Variants in RNU4-2 observed in about 807,000 individuals in gnomAD.
RNU4-2 encodes the protein RNA, U4 small nuclear 2.
exon 1 of RNU4-2, chr12:120,291,846 G>GCAATAATCGC (rs1871981865): frequency 6.6e-6 from 1 of 152,122 alleles, no homozygotes; most frequent in South Asian, 2.1e-4. Context: ...TTTTCAATTA[G>GCAATAATCGC]CAATAATCGC....
rs564043809 is a variant in RNU4-2 at position 120,291,877 on chromosome 12, G to A, written n.27C>T. 2.7e-4 allele frequency: 41 copies of A among 152,194 alleles called. No homozygotes were observed. Among genetic ancestry groups the A allele is most frequent in the South Asian group, 8.3e-4 (4 of 4,826 alleles). The allele number at this position is 152,194 out of a possible 1,614,324, so 9.4% of individuals were successfully genotyped here. A position where few individuals can be genotyped will look rare whatever the true frequency, so the allele number is the denominator to read the frequency against. On this transcript the variant is annotated non_coding_transcript_exon_variant, in exon 1 of 1. Transcript: ENST00000365668. ...ATCGCGCCTCGGATAAACCTCATTGGCTACGATACTGCCACTGCGCAAAGC... is the reference window on the plus strand; with the variant it reads ...ATCGCGCCTCGGATAAACCTCATTGACTACGATACTGCCACTGCGCAAAGC...
At chr12:120,291,844 T>TA (rs1291014365) in exon 1 of RNU4-2, 2 of 152,170 alleles carry the variant, frequency 1.3e-5, no homozygotes, top group Admixed American at 6.6e-5. Context: ...AGTTTTCAAT[T>TA]AGCAATAATC....
chr12:120,291,803 T>C (rs1051027138), exon 1 of RNU4-2: 2 of 152,214 alleles, frequency 1.3e-5, no homozygotes, highest in Non-Finnish European at 2.9e-5. Flanking sequence ...GCCGACTATA[T>C]TTCAAGTCGT....
At chr12:120,291,891 A>G (rs1566455680) in exon 1 of RNU4-2, 1 of 152,156 alleles carries the variant, frequency 6.6e-6, no homozygotes, top group Non-Finnish European at 1.5e-5. Context: ...CGATACTGCC[A>G]CTGCGCAAAG....
exon 1 of RNU4-2, chr12:120,291,831 A>G (rs1345456417): frequency 6.6e-6 from 1 of 152,136 alleles, no homozygotes; most frequent in Non-Finnish European, 1.5e-5. Context: ...GGGTATTGGG[A>G]AAAGTTTTCA....
exon 1 of RNU4-2, chr12:120,291,898 A>G (rs181286652): frequency 6.6e-6 from 1 of 152,236 alleles, no homozygotes; most frequent in Non-Finnish European, 1.5e-5. Context: ...GCCACTGCGC[A>G]AAGCTGGAAA....
chr12:120,291,889 C>CT (rs1871988119), exon 1 of RNU4-2: 1 of 152,102 alleles, frequency 6.6e-6, no homozygotes. Context: ...TACGATACTG[C>CT]CACTGCGCAA....
chr12:120,291,884 T>C (rs1216642911), exon 1 of RNU4-2: 4 of 152,166 alleles, frequency 2.6e-5, no homozygotes, highest in Admixed American at 1.3e-4. Context: ...TTGGCTACGA[T>C]ACTGCCACTG....
At chr12:120,291,762 G>C (rs1036511788), downstream of RNU4-2, 3 of 152,086 alleles carry the variant, frequency 2.0e-5, no homozygotes, top group Non-Finnish European at 2.9e-5. Flanking sequence ...TAAAAATTCA[G>C]TCTCCGTAGA....
At chr12:120,291,801 T>TA (rs1283658228) in exon 1 of RNU4-2, 3 of 152,228 alleles carry the variant, frequency 2.0e-5, no homozygotes, top group South Asian at 2.1e-4. Context: ...ATGCCGACTA[T>TA]ATTTCAAGTC....
chr12:120,291,827 T>TG (rs1417379543), exon 1 of RNU4-2: 1 of 152,148 alleles, frequency 6.6e-6, no homozygotes, highest in Non-Finnish European at 1.5e-5. Context: ...GGCGGGGTAT[T>TG]GGGAAAAGTT....
exon 1 of RNU4-2, chr12:120,291,772 A>G (rs1307353031): frequency 1.3e-5 from 2 of 152,186 alleles, no homozygotes; most frequent in Non-Finnish European, 1.5e-5. Context: ...GTCTCCGTAG[A>G]GACTGTCAAA....
chr12:120,291,820 G>A (rs1034870639), exon 1 of RNU4-2: 6 of 152,118 alleles, frequency 3.9e-5, no homozygotes, highest in African/African-American at 4.8e-5. Context: ...TCGTCATGGC[G>A]GGGTATTGGG....
chr12:120,291,810 T>G (rs368060109), exon 1 of RNU4-2: 27 of 152,180 alleles, frequency 1.8e-4, no homozygotes, highest in Admixed American at 5.9e-4. Context: ...ATATTTCAAG[T>G]CGTCATGGCG....
exon 1 of RNU4-2, chr12:120,291,821 G>A (rs962025483): frequency 6.6e-6 from 1 of 152,168 alleles, no homozygotes; most frequent in Non-Finnish European, 1.5e-5. Flanking sequence ...CGTCATGGCG[G>A]GGTATTGGGA....
chr12:120,291,823 G>A (rs539317777), exon 1 of RNU4-2: 12 of 152,270 alleles, frequency 7.9e-5, no homozygotes, highest in African/African-American at 1.9e-4. Flanking sequence ...TCATGGCGGG[G>A]TATTGGGAAA....
rs1350650103 is a variant in RNU4-2, at chr12:120,291,858, C to T, written n.46G>A. ...AAGTTTTCAATTAGCAATAATCGCG[C>T]CTCGGATAAACCTCATTGGCTACGA... On this transcript the variant is annotated non_coding_transcript_exon_variant, in exon 1 of 1. Coordinates refer to ENST00000365668, the Ensembl canonical transcript of RNU4-2. 6.6e-6 allele frequency: 1 copy of T among 152,090 alleles called. No homozygotes were observed. Among genetic ancestry groups the T allele is most frequent in the South Asian group, 2.1e-4 (1 of 4,834 alleles). 9.4% of individuals were successfully genotyped at this position (152,090 alleles called of 1,614,324 possible). A position where few individuals can be genotyped will look rare whatever the true frequency, so the allele number is the denominator to read the frequency against.
exon 1 of RNU4-2, chr12:120,291,868 A>G (rs780821715): frequency 6.6e-6 from 1 of 152,078 alleles, no homozygotes; most frequent in Non-Finnish European, 1.5e-5. Context: ...CCTCGGATAA[A>G]CCTCATTGGC....
At position 120,291,897 on chromosome 12, in the gene RNU4-2, C is replaced by T. The variant is rs1003257031; in HGVS notation, n.7G>A. The stretch of plus-strand genomic sequence containing the variant: ...CATTGGCTACGATACTGCCACTGCG[C>T]AAAGCTGGAAAGGTTCTGTTCGCGC... On this transcript the variant is annotated non_coding_transcript_exon_variant, in exon 1 of 1. Coordinates refer to ENST00000365668, the Ensembl canonical transcript of RNU4-2. 6.6e-6 allele frequency: 1 copy of T among 152,104 alleles called. No individual in the cohort carries two copies. The highest frequency in any genetic ancestry group is 2.4e-5 in the African/African-American group (1 of 41,414). 9.4% of individuals were successfully genotyped at this position (152,104 alleles called of 1,614,324 possible).
Sources: gnomAD v4.1 joint callset for allele counts on GRCh38, gnomAD v4.1.1 for gene constraint, MANE v1.5 for transcripts, NCBI Gene and HGNC (gene_info 2026-07-23, HGNC 2026-07-21) for gene names.